Variants in ADCK2 observed in about 807,000 individuals in gnomAD.
The protein encoded by ADCK2 is aarF domain containing kinase 2.
Under a neutral mutation model 52.3 loss-of-function variants are expected in ADCK2, and 37 were observed. The ratio of observed to expected loss-of-function variants is 0.71; its 90% CI spans 0.54 to 0.93. ADCK2 has a LOEUF of 0.93. Among genes scored for constraint, ADCK2 ranks in the 40% least tolerant of loss-of-function variants. The probability of loss-of-function intolerance (pLI) is 0.00; values close to 1 mark genes in which losing one functional copy is unlikely to be tolerated. For synonymous variants in ADCK2, 321 were observed against 349.2 expected (o/e 0.92, Z 0.90); for missense variants, 695 against 798.7 (o/e 0.87, Z 1.56).
chr7:140,681,932 T>A (rs1415215930), intron 4 of ADCK2, among the ~76,000 whole-genome samples: 1 of 152,210 alleles, frequency 6.6e-6, no homozygotes, highest in Non-Finnish European at 1.5e-5. Context: ...CTTAAGTGCT[T>A]TGTCAGTGGC....
In ADCK2 at chr7:140,678,284, G is replaced by A. The variant is rs114787814; in HGVS notation, c.1081-871G>A. Among the ~76,000 whole-genome samples, 598 of 152,296 alleles carry A rather than the reference G, an allele frequency of 3.9e-3. 4 individuals are homozygous for A. The highest frequency in any genetic ancestry group is 0.011 in the African/African-American group (470 of 41,554). ...TGGGGACTCAAAGGTGACTGAGTGC[G>A]TGGGGATGGTGAAGGGAAATTCCAT... On this transcript the variant is annotated intron_variant, in intron 2 of 7. Transcript: ENST00000072869. The surrounding 1 kb of genome is among the most constrained non-coding windows in gnomAD (Gnocchi z 4.9).
chr7:140,673,279 C>T lies in ADCK2; in HGVS notation c.-52C>T. On this transcript the variant is annotated 5_prime_UTR_variant, in exon 1 of 8. Transcript: ENST00000072869. The surrounding 1 kb of genome is among the most constrained non-coding windows in gnomAD (Gnocchi z 6.4). ...CGGCTTCACCGCAGCCTCGCCTGAG[C>T]GGGCGCCTCTGAAGTGGAGGGCGGG... 1 of 1,383,434 alleles carries T rather than the reference C, an allele frequency of 7.2e-7. No homozygotes were observed. The highest frequency in any genetic ancestry group is 9.4e-7 in the Non-Finnish European group (1 of 1,064,004). The allele number at this position is 1,383,434 out of a possible 1,614,324, so 85.7% of individuals were successfully genotyped here.
chr7:140,679,995 T>C (rs1681101208), intron 3 of ADCK2, among the ~76,000 whole-genome samples: 1 of 152,014 alleles, frequency 6.6e-6, no homozygotes, highest in Non-Finnish European at 1.5e-5. Context: ...TTACAGATGG[T>C]GATATGAGAT....
At position 140,673,832 on chromosome 7, in the gene ADCK2, T is replaced by G; in HGVS notation, c.502T>G (p.Ser168Ala). The change falls in exon 1 of 8, where the codon TCC becomes GCC. Residue 168 changes from serine to alanine, a missense_variant. Transcript: ENST00000072869. The surrounding 1 kb of genome is among the most constrained non-coding windows in gnomAD (Gnocchi z 6.4). ...LFSEAFCAQF[S>A]KLHVRVTPHP... ...TTCGGAGGCTTTCTGTGCCCAATTT[T>G]CCAAGCTGCATGTCCGAGTGACGCC... is the stretch of plus-strand genomic sequence containing the variant. 1 of 1,613,856 alleles carries G rather than the reference T, an allele frequency of 6.2e-7. No individual in the cohort carries two copies. The highest frequency in any genetic ancestry group is 1.3e-5 in the African/African-American group (1 of 74,984).
chr7:140,673,184 G>A lies in ADCK2; in HGVS notation c.-147G>A. 1 of 571,084 alleles carries A rather than the reference G, an allele frequency of 1.8e-6. No homozygotes were observed. Among genetic ancestry groups the A allele is most frequent in the South Asian group, 5.6e-5 (1 of 17,750 alleles). The allele number at this position is 571,084 out of a possible 1,614,324, so 35.4% of individuals were successfully genotyped here. ...GGCCTCCGGCCTGAGGCCCGGCGAG[G>A]TGCTGGAGGGAGCGGGGCGCGGATC... On this transcript the variant is annotated 5_prime_UTR_variant, in exon 1 of 8. In the 5' UTR this introduces an upstream ATG that the reference lacks. Coordinates refer to ENST00000072869, the MANE Select transcript of ADCK2 (RefSeq NM_052853.4). This position sits in a 1 kb window ranked among gnomAD's most constrained non-coding sequence, Gnocchi z 6.4.
intron 7 of ADCK2, among the ~76,000 whole-genome samples, chr7:140,692,400 G>A (rs1043884000): frequency 1.2e-4 from 18 of 152,190 alleles, no homozygotes; most frequent in South Asian, 2.1e-4. Flanking sequence ...CTGTGTCACC[G>A]AGGCTGGAGT....
At position 140,673,917 on chromosome 7, in the gene ADCK2, G is replaced by T. The variant is rs992745506; in HGVS notation, c.587G>T (p.Ser196Ile). ...CAGGCTTTTGGGGATGACTGGGGGAGCATCCTCTCTTTTGAGAACCGGGAA... is the reference window on the plus strand; with the variant it reads ...CAGGCTTTTGGGGATGACTGGGGGATCATCCTCTCTTTTGAGAACCGGGAA... ...LRQAFGDDWG[S>I]ILSFENREPV... Residue 196 changes from serine (S) to isoleucine (I), a missense_variant, in exon 1 of 8, where the codon AGC becomes ATC. By Grantham distance (142) the Ser-to-Ile change is moderately radical. Coordinates refer to ENST00000072869, the MANE Select transcript of ADCK2 (RefSeq NM_052853.4). This position sits in a 1 kb window ranked among gnomAD's most constrained non-coding sequence, Gnocchi z 6.4. The T allele has an allele frequency of 2.4e-5, 38 of 1,613,884 alleles. No homozygotes were observed. Among genetic ancestry groups the T allele is most frequent in the Non-Finnish European group, 3.1e-5 (37 of 1,180,056 alleles).
intron 5 of ADCK2, among the ~76,000 whole-genome samples, chr7:140,689,284 T>TA (rs1794662081): frequency 1.3e-5 from 2 of 151,150 alleles, no homozygotes. Context: ...AAAAAAAAAT[T>TA]TTTTTTTTTT....
intron 2 of ADCK2, among the ~76,000 whole-genome samples, chr7:140,675,104 G>A (rs950800392): frequency 2.6e-5 from 4 of 152,132 alleles, no homozygotes; most frequent in Admixed American, 6.5e-5. Flanking sequence ...TTAGCTGGGC[G>A]TGGTGCTGCA....
chr7:140,673,791 C>G lies in ADCK2; in HGVS notation c.461C>G (p.Thr154Ser), dbSNP rs1485538925. ...ATCAAACTGGGCCAGTGGGCCAGCA[C>G]CCGGCGCGATCTGTTTTCGGAGGCT... ...TYIKLGQWAS[T>S]RRDLFSEAFC... The change falls in exon 1 of 8, where the codon ACC becomes AGC. Residue 154 changes from threonine (T) to serine (S), a missense_variant. Physicochemically the swap from Thr to Ser is moderately conservative, Grantham distance 58 (BLOSUM62 1). Coordinates refer to ENST00000072869, the MANE Select transcript of ADCK2 (RefSeq NM_052853.4). The surrounding 1 kb of genome is among the most constrained non-coding windows in gnomAD (Gnocchi z 6.4). 6.2e-7 allele frequency: 1 copy of G among 1,613,820 alleles called. No individual in the cohort carries two copies. Among genetic ancestry groups the G allele is most frequent in the African/African-American group, 1.3e-5 (1 of 74,880 alleles).
rs1794365052 is a variant in ADCK2 at position 140,674,595 on chromosome 7, T to C, written c.934-16T>C. On this transcript the variant is annotated splice_polypyrimidine_tract_variant and intron_variant, in intron 1 of 7. Transcript: ENST00000072869. The surrounding 1 kb of genome is among the most constrained non-coding windows in gnomAD (Gnocchi z 4.6). ...CCAGCAGGTTTCTCCTGTCTCACGG[T>C]TCCTCTTTCTGACAGGTGTTGCACC... is the stretch of plus-strand genomic sequence containing the variant. The C allele has an allele frequency of 1.9e-6, 3 of 1,602,150 alleles. No homozygotes were observed. The highest frequency in any genetic ancestry group is 2.6e-6 in the Non-Finnish European group (3 of 1,171,230).
At chr7:140,689,551 T>C (rs1794668392) in intron 5 of ADCK2, 46 bp from the exon 6 acceptor site, 1 of 1,538,152 alleles carries the variant, frequency 6.5e-7, no homozygotes, top group Non-Finnish European at 8.8e-7. Flanking sequence ...CGCATCCAGG[T>C]TTATGCTAGC....
In ADCK2 at chr7:140,674,753, A is replaced by G. The variant is rs1189641003; in HGVS notation, c.1076A>G (p.Gln359Arg). 6.2e-7 allele frequency: 1 copy of G among 1,613,898 alleles called. No individual in the cohort carries two copies. The highest frequency in any genetic ancestry group is 8.5e-7 in the Non-Finnish European group (1 of 1,179,814). Residue 359 changes from glutamine (Q) to arginine (R), a missense_variant, in exon 2 of 8, where the codon CAA becomes CGA. Coordinates refer to ENST00000072869, the MANE Select transcript of ADCK2 (RefSeq NM_052853.4). This position sits in a 1 kb window ranked among gnomAD's most constrained non-coding sequence, Gnocchi z 4.6. ...GAGGAATTTGAGAAGCTGATGGTCC[A>G]ACAGGTGAGTTCTCCTCCCCTCAGC... ...IVEEFEKLMV[Q>R]QIDLRYEAQN...
In ADCK2 at chr7:140,695,097, T is replaced by G; in HGVS notation, c.*294T>G. On this transcript the variant is annotated 3_prime_UTR_variant, in exon 8 of 8. Transcript: ENST00000072869. ...GTTATGTGGAGGAGGACGAATAAATTTATTTTGTTTTCCTGTTTTTCTCAT... is the reference window on the plus strand; with the variant it reads ...GTTATGTGGAGGAGGACGAATAAATGTATTTTGTTTTCCTGTTTTTCTCAT... The G allele has an allele frequency of 8.8e-7, 1 of 1,140,470 alleles. No homozygotes were observed. Among genetic ancestry groups the G allele is most frequent in the Non-Finnish European group, 1.1e-6 (1 of 930,030 alleles). The allele number at this position is 1,140,470 out of a possible 1,614,324, so 70.6% of individuals were successfully genotyped here.
Position 140,694,868 on chromosome 7 carries a change from G to T in ADCK2, c.*65G>T. ...GGCCACTCCCAAGAGCCTCTCCTAT[G>T]GCAGCTGGGACGTTTTAAAATTGGG... is the stretch of plus-strand genomic sequence containing the variant. On this transcript the variant is annotated 3_prime_UTR_variant, in exon 8 of 8. Coordinates refer to ENST00000072869, the MANE Select transcript of ADCK2 (RefSeq NM_052853.4). 6.5e-7 allele frequency: 1 copy of T among 1,531,882 alleles called. No homozygotes were observed. The highest frequency in any genetic ancestry group is 8.8e-7 in the Non-Finnish European group (1 of 1,142,272). 94.9% of individuals were successfully genotyped at this position (1,531,882 alleles called of 1,614,324 possible).
At chr7:140,679,396 A>T in intron 3 of ADCK2, 113 bp downstream of exon 3, 1 of 1,470,446 alleles carries the variant, frequency 6.8e-7, no homozygotes, top group Non-Finnish European at 9.3e-7. Flanking sequence ...TGTGTCTGTA[A>T]AACTGTGAGG....
At chr7:140,683,441 T>A (rs1384437805) in intron 4 of ADCK2, among the ~76,000 whole-genome samples, 1 of 151,984 alleles carries the variant, frequency 6.6e-6, no homozygotes, top group Non-Finnish European at 1.5e-5. Context: ...TCTTGGACAT[T>A]TAAACATGTT....
At position 140,694,799 on chromosome 7, in the gene ADCK2, C is replaced by A. The variant is rs55922126; in HGVS notation, c.1877C>A (p.Pro626Gln). 1.3e-5 allele frequency: 21 copies of A among 1,612,244 alleles called. No individual in the cohort carries two copies. Among genetic ancestry groups the A allele is most frequent in the Non-Finnish European group, 1.6e-5 (19 of 1,179,100 alleles). The part of the protein sequence containing the change: ...PFLLTGPVCP[P>Q] Reference sequence around the variant, plus strand: ...CTCCTCACGGGCCCAGTGTGCCCCCCGTGATGGGGCAGTGGCCTCTGTGGG... The same window carrying A: ...CTCCTCACGGGCCCAGTGTGCCCCCAGTGATGGGGCAGTGGCCTCTGTGGG... Residue 626 changes from proline (P) to glutamine (Q), a missense_variant, in exon 8 of 8, where the codon CCG (proline) becomes CAG (glutamine). Pro to Gln is a moderately conservative substitution (Grantham distance 76, BLOSUM62 -1). Transcript: ENST00000072869.
chr7:140,695,015 T>A lies in ADCK2; in HGVS notation c.*212T>A. 3 of 1,293,676 alleles carry A rather than the reference T, an allele frequency of 2.3e-6. No homozygotes were observed. In the South Asian group the frequency reaches 8.1e-5, roughly 35 times the overall value. The allele number at this position is 1,293,676 out of a possible 1,614,324, so 80.1% of individuals were successfully genotyped here. ...GGAGTAAAAGGAGGGAAGGGGCCTA[T>A]CCATTCCATTGTGGAAGCTGGGCCA... On this transcript the variant is annotated 3_prime_UTR_variant, in exon 8 of 8. Transcript: ENST00000072869.
Sources: allele counts gnomAD v4.1 joint callset (sites outside exome capture counted in the v4.1 genomes callset), GRCh38; gene constraint gnomAD v4.1.1; non-coding constraint Gnocchi (gnomAD v3.1); transcripts MANE v1.5; gene names NCBI Gene and HGNC (gene_info 2026-07-23, HGNC 2026-07-21).